The following PDE10A variants were observed in gnomAD, a reference collection of about 807,000 sequenced individuals.
PDE10A encodes the protein phosphodiesterase 10A.
In PDE10A, 39 loss-of-function variants were observed where a neutral mutation model predicts 97.7. The observed-to-expected ratio is 0.40, with a 90% CI of 0.31 to 0.52. The LOEUF is 0.52. Among genes scored for constraint, PDE10A ranks in the 20% least tolerant of loss-of-function variants. The probability of loss-of-function intolerance (pLI) is 0.56; values close to 1 mark genes in which losing one functional copy is unlikely to be tolerated. For synonymous variants in PDE10A, 371 were observed against 376.8 expected (o/e 0.98, Z 0.18); for missense variants, 731 against 1,047.8 (o/e 0.70, Z 4.17).
intron 2 of PDE10A, among the ~76,000 whole-genome samples, chr6:165,529,582 C>A (rs1782652371): frequency 6.6e-6 from 1 of 152,208 alleles, no homozygotes; most frequent in Admixed American, 6.5e-5. Context: ...CTGCAACTGT[C>A]ATGAATATTT....
chr6:165,448,923 C>G lies in PDE10A; in HGVS notation c.1194+5G>C, dbSNP rs1791070829. 6.3e-7 allele frequency: 1 copy of G among 1,594,222 alleles called. No individual in the cohort carries two copies. Among genetic ancestry groups the G allele is most frequent in the Non-Finnish European group, 8.6e-7 (1 of 1,165,192 alleles). ...GAGCACCAAAATCTAAATTTAGATACTTACATTATTGCACTCTCCAAGGAA... is the reference window on the plus strand; with the variant it reads ...GAGCACCAAAATCTAAATTTAGATAGTTACATTATTGCACTCTCCAAGGAA... On this transcript the variant is annotated splice_donor_5th_base_variant and intron_variant, in intron 5 of 21. Transcript: ENST00000539869.
chr6:165,480,988 T>G (rs887173150), intron 3 of PDE10A, among the ~76,000 whole-genome samples: 5 of 152,222 alleles, frequency 3.3e-5, no homozygotes, highest in African/African-American at 1.2e-4. Context: ...TGTAAGAGAA[T>G]CTTATGAATA....
At chr6:165,459,582 T>G (rs201718293) in intron 3 of PDE10A, among the ~76,000 whole-genome samples, 123 of 120,160 alleles carry the variant, frequency 1.0e-3, no homozygotes, top group Middle Eastern at 5.4e-3. Context: ...ATGATAGATA[T>G]ATATATATAT....
At chr6:165,688,512 C>T (rs1333228063) in intron 1 of PDE10A, among the ~76,000 whole-genome samples, 1 of 152,176 alleles carries the variant, frequency 6.6e-6, no homozygotes, top group Non-Finnish European at 1.5e-5. Flanking sequence ...CAGCTAGGAG[C>T]AATCTCCATG....
chr6:165,436,149 T>A (rs1437936176), intron 5 of PDE10A, among the ~76,000 whole-genome samples: 1 of 152,214 alleles, frequency 6.6e-6, no homozygotes, highest in Non-Finnish European at 1.5e-5. Context: ...GTATCATGAT[T>A]ATCTACAAAA....
intron 1 of PDE10A, among the ~76,000 whole-genome samples, chr6:165,943,300 A>AAAGG (rs1436891052): frequency 7.4e-6 from 1 of 135,524 alleles, no homozygotes; most frequent in African/African-American, 2.8e-5. Context: ...AGAAGGAAAG[A>AAAGG]AAGAAAGAAG....
At chr6:165,452,690 T>A (rs533299104) in intron 3 of PDE10A, among the ~76,000 whole-genome samples, 95 of 152,242 alleles carry the variant, frequency 6.2e-4, no homozygotes, top group Non-Finnish European at 1.1e-3. Flanking sequence ...AATTACCTAG[T>A]CTCAGATACT....
At chr6:165,494,532 A>ATT (rs1451676840) in intron 2 of PDE10A, among the ~76,000 whole-genome samples, 3 of 142,604 alleles carry the variant, frequency 2.1e-5, no homozygotes, top group African/African-American at 5.4e-5. Flanking sequence ...ATATATATAT[A>ATT]TATATTTATT....
At chr6:165,703,487 A>G (rs1192209431) in intron 1 of PDE10A, among the ~76,000 whole-genome samples, 1 of 152,230 alleles carries the variant, frequency 6.6e-6, no homozygotes, top group African/African-American at 2.4e-5. Flanking sequence ...TCCTTCATTC[A>G]TTCTGAAGAA....
intron 18 of PDE10A, among the ~76,000 whole-genome samples, chr6:165,347,506 C>G (rs185878243): frequency 1.3e-5 from 2 of 151,998 alleles, no homozygotes; most frequent in Admixed American, 1.3e-4. Flanking sequence ...TTCTCCATTA[C>G]AGAGAGAAAA....
At chr6:165,767,708 T>C (rs1777896121) in intron 1 of PDE10A, among the ~76,000 whole-genome samples, 1 of 152,242 alleles carries the variant, frequency 6.6e-6, no homozygotes. Flanking sequence ...TGGATTTTTT[T>C]CCACTGTGGA....
chr6:165,784,657 C>T (rs1205426425), intron 1 of PDE10A, among the ~76,000 whole-genome samples: 2 of 152,204 alleles, frequency 1.3e-5, no homozygotes, highest in Non-Finnish European at 2.9e-5. Flanking sequence ...TTCTCCTTTT[C>T]CATGCAGGTC....
At position 165,879,655 on chromosome 6, in the gene PDE10A, T is replaced by A. The variant is rs554148355; in HGVS notation, c.-615+107874A>T. 8.9e-4 allele frequency among the ~76,000 whole-genome samples: 136 copies of A among 152,360 alleles called. 2 individuals are homozygous for A. In the South Asian group the frequency reaches 0.028, roughly 31 times the overall value. ...GATGTAAAACGGTGCAGTGTTTGCA[T>A]AACCTACACACAACCTCCTGTGTAC... On this transcript the variant is annotated intron_variant, in intron 1 of 19. Transcript: ENST00000366882.
chr6:165,671,843 AT>A lies in PDE10A; in HGVS notation c.-614-128276del, dbSNP rs1790655579. Among the ~76,000 whole-genome samples, 1 of 152,200 alleles carries A rather than the reference AT, an allele frequency of 6.6e-6. No individual in the cohort carries two copies. Among genetic ancestry groups the A allele is most frequent in the Non-Finnish European group, 1.5e-5 (1 of 68,030 alleles). On this transcript the variant is annotated intron_variant, in intron 1 of 19. Transcript: ENST00000366882. The surrounding 1 kb of genome is among the most constrained non-coding windows in gnomAD (Gnocchi z 4.6). ...TTTCTGTATTTCTTAAAGGGAGATC[AT>A]TTTATAGGGGCATCAGTTAAAATGG...
chr6:165,486,238 C>T (rs1011637792), intron 2 of PDE10A, among the ~76,000 whole-genome samples: 1 of 152,118 alleles, frequency 6.6e-6, no homozygotes. Context: ...GTTATGTGCA[C>T]TTTTGTTGCC....
rs753537478 is a variant in PDE10A at position 165,388,328 on chromosome 6, G to A, written c.2580C>T (p.His860=). ...ALYSTSTMEQ[H]HFSQTVSILQ... ...GGATGGACACAGTCTGGGAGAAGTG[G>A]TGCTGCTCCATGGTGGAAGTGGAGT... The change falls in exon 17 of 22, where the codon CAC becomes CAT. Residue 860 remains histidine (H), a synonymous_variant. Coordinates refer to ENST00000539869, the MANE Select transcript of PDE10A (RefSeq NM_001385079.1). This position sits in a 1 kb window ranked among gnomAD's most constrained non-coding sequence, Gnocchi z 4.0. The A allele has an allele frequency of 6.2e-7, 1 of 1,614,084 alleles. No homozygotes were observed. Among genetic ancestry groups the A allele is most frequent in the Non-Finnish European group, 8.5e-7 (1 of 1,179,972 alleles).
intron 1 of PDE10A, among the ~76,000 whole-genome samples, chr6:165,888,472 T>C (rs1414723020): frequency 6.6e-6 from 1 of 151,950 alleles, no homozygotes; most frequent in Non-Finnish European, 1.5e-5. Context: ...TTTTAGTAGA[T>C]ACAGGGTTTC....
chr6:165,925,055 C>G (rs916468817), intron 1 of PDE10A, among the ~76,000 whole-genome samples: 5 of 152,074 alleles, frequency 3.3e-5, no homozygotes, highest in Non-Finnish European at 7.4e-5. Context: ...AATGAATTCT[C>G]AAAATTTAAT....
At chr6:165,689,780 G>A (rs553221599) in intron 1 of PDE10A, among the ~76,000 whole-genome samples, 13 of 152,142 alleles carry the variant, frequency 8.5e-5, no homozygotes, top group Admixed American at 3.9e-4. Context: ...TATTCCTTTC[G>A]TAGCAACACA....
Sources: allele counts gnomAD v4.1 joint callset (sites outside exome capture counted in the v4.1 genomes callset), GRCh38; gene constraint gnomAD v4.1.1; non-coding constraint Gnocchi (gnomAD v3.1); transcripts MANE v1.5; gene names NCBI Gene and HGNC (gene_info 2026-07-23, HGNC 2026-07-21).